The following OPA3 variants were observed in gnomAD, a reference collection of about 807,000 sequenced individuals.
OPA3 encodes outer mitochondrial membrane lipid metabolism regulator OPA3, also known as optic atrophy 3 protein.
A neutral mutation model predicts 4.0 loss-of-function variants in OPA3; 6 were observed. The ratio of observed to expected loss-of-function variants is 1.51; its 90% CI spans 0.83 to 2.99. The LOEUF (loss-of-function observed/expected upper bound fraction) is 2.99. Ranked by LOEUF, OPA3 falls within the 30% of genes most tolerant of loss-of-function variation. The pLI, the probability that OPA3 is intolerant of heterozygous loss-of-function variation, is 0.00. For missense variants in OPA3, 235 were observed against 256.2 expected, an observed-to-expected ratio of 0.92 and a Z score of 0.56; for synonymous variants, 105 against 117.1, an observed-to-expected ratio of 0.90 and a Z score of 0.67.
chr19:45,560,334 C>T (rs1969485042), intron 1 of OPA3, among the ~76,000 whole-genome samples: 2 of 152,188 alleles, frequency 1.3e-5, no homozygotes, highest in African/African-American at 4.8e-5. Flanking sequence ...GTCTCTCCAA[C>T]TGGACTGTGA....
At chr19:45,569,646 G>A (rs1969632619) in intron 1 of OPA3, among the ~76,000 whole-genome samples, 1 of 152,154 alleles carries the variant, frequency 6.6e-6, no homozygotes, top group South Asian at 2.1e-4. Flanking sequence ...TAAGCTGGCA[G>A]TGAGGGGAGT....
At chr19:45,583,899 TC>T (rs1969892444) in intron 1 of OPA3, among the ~76,000 whole-genome samples, 1 of 152,144 alleles carries the variant, frequency 6.6e-6, no homozygotes, top group Non-Finnish European at 1.5e-5. Context: ...GCTCCGGGGC[TC>T]CCACTTTCCC....
At chr19:45,570,469 G>A (rs1218643236) in intron 1 of OPA3, among the ~76,000 whole-genome samples, 2 of 152,056 alleles carry the variant, frequency 1.3e-5, no homozygotes, top group African/African-American at 2.4e-5. Context: ...GATCACCTGA[G>A]GTCAGGAGTT....
Position 45,548,661 on chromosome 19 carries a change from A to AT in OPA3, c.*4852dup, listed in dbSNP as rs144752998. 9.3e-3 allele frequency: 7,945 copies of AT among 858,784 alleles called. No homozygotes were observed. Among genetic ancestry groups the AT allele is most frequent in the Middle Eastern group, 0.013 (22 of 1,686 alleles). 53.2% of individuals were successfully genotyped at this position (858,784 alleles called of 1,614,324 possible). A position where few individuals can be genotyped will look rare whatever the true frequency, so the allele number is the denominator to read the frequency against. On this transcript the variant is annotated 3_prime_UTR_variant, in exon 2 of 2. Coordinates refer to ENST00000263275, the MANE Select transcript of OPA3 (RefSeq NM_025136.4). ...GTGAGTTTTGTGTTTTATTTTTTTT[A>AT]TTTTTTTTTTTTTTGCGGGAGACGC...
In OPA3 at chr19:45,584,570, T is replaced by C. The variant is rs116426072; in HGVS notation, c.142+53A>G. The C allele has an allele frequency of 1.7e-3, 2,733 of 1,613,232 alleles. 45 individuals are homozygous for C. The African/African-American group carries it at 0.031, about 19-fold the overall frequency. On this transcript the variant is annotated intron_variant, in intron 1 of 1. Transcript: ENST00000263275. Reference sequence around the variant, plus strand: ...GAAGTCCATCCCCTAAGCAACCACCTGACAGGGGTTGGAGAAAGGAAAAAG... The same window carrying C: ...GAAGTCCATCCCCTAAGCAACCACCCGACAGGGGTTGGAGAAAGGAAAAAG...
rs1028506732 is a variant in OPA3 at position 45,548,632 on chromosome 19, C to T, written c.*4882G>A. 4.1e-6 allele frequency: 4 copies of T among 983,142 alleles called. No individual in the cohort carries two copies. Among genetic ancestry groups the T allele is most frequent in the Middle Eastern group, 5.2e-4 (1 of 1,912 alleles). 60.9% of individuals were successfully genotyped at this position (983,142 alleles called of 1,614,324 possible). A position where few individuals can be genotyped will look rare whatever the true frequency, so the allele number is the denominator to read the frequency against. ...ATAGGGTGGGGCAGAGAGTGGGTAA[C>T]TCAGTGAGTTTTGTGTTTTATTTTT... On this transcript the variant is annotated 3_prime_UTR_variant, in exon 2 of 2. Transcript: ENST00000263275.
intron 1 of OPA3, among the ~76,000 whole-genome samples, chr19:45,581,900 G>C (rs920145298): frequency 6.6e-6 from 1 of 152,162 alleles, no homozygotes; most frequent in African/African-American, 2.4e-5. Context: ...CTAGGTTCAA[G>C]CAATTCTCCT....
intron 1 of OPA3, among the ~76,000 whole-genome samples, chr19:45,572,816 G>GAT (rs1342209065): frequency 1.6e-5 from 2 of 123,962 alleles, no homozygotes; most frequent in African/African-American, 5.6e-5. Context: ...TATATATATA[G>GAT]ATATATATCT....
downstream of OPA3, chr19:45,546,269 G>A (rs929437877): frequency 2.6e-5 from 9 of 341,948 alleles, no homozygotes; most frequent in South Asian, 1.2e-4. Context: ...ATATTAAACC[G>A]GGCTGCAAAT....
At chr19:45,528,601 C>A in exon 2 of OPA3, 1 of 173,044 alleles carries the variant, frequency 5.8e-6, no homozygotes, top group Non-Finnish European at 1.2e-5. Context: ...GTGTTCGGTG[C>A]AAAGGATGAG....
downstream of OPA3, among the ~76,000 whole-genome samples, chr19:45,544,765 G>A (rs768946983): frequency 1.3e-5 from 2 of 151,076 alleles, no homozygotes; most frequent in Non-Finnish European, 2.9e-5. Context: ...TTGCACTCCA[G>A]CCTGGGCAAC....
chr19:45,571,444 GCTGA>G (rs1324131643), intron 1 of OPA3, among the ~76,000 whole-genome samples: 1 of 152,142 alleles, frequency 6.6e-6, no homozygotes, highest in Non-Finnish European at 1.5e-5. Context: ...ACCGTGCCTG[GCTGA>G]CTGCTAAATA....
intron 1 of OPA3, among the ~76,000 whole-genome samples, chr19:45,535,762 C>CTTTTTTTTTTTTTTTT (rs370775683): frequency 2.4e-5 from 3 of 122,946 alleles, no homozygotes; most frequent in Non-Finnish European, 5.0e-5. Flanking sequence ...TTTTTCTTTT[C>CTTTTTTTTTTTTTTTT]TTTTTTTTTT....
At chr19:45,541,698 GGGACTA>G (rs1969187533), downstream of OPA3, among the ~76,000 whole-genome samples, 1 of 152,050 alleles carries the variant, frequency 6.6e-6, no homozygotes, top group Admixed American at 6.6e-5. Flanking sequence ...CTGAGTAGCT[GGGACTA>G]TAGGCACACA....
chr19:45,557,321 G>A (rs1278923958), intron 1 of OPA3, among the ~76,000 whole-genome samples: 1 of 152,120 alleles, frequency 6.6e-6, no homozygotes, highest in Non-Finnish European at 1.5e-5. Flanking sequence ...AGCAGGGGCC[G>A]ACGGCATTCT....
chr19:45,542,665 G>GT (rs59474391), downstream of OPA3, among the ~76,000 whole-genome samples: 958 of 103,226 alleles, frequency 9.3e-3, 9 homozygotes, highest in Middle Eastern at 0.019. Flanking sequence ...CTGTTTTTTT[G>GT]TTTTTTTTTT....
chr19:45,529,080 TG>T lies in OPA3; in HGVS notation c.518del (p.Pro173GlnfsTer43). ...CCTATTTCTCGGACGCCGGCGCAAC[TG>T]GGGGTGCAGGCGGCGGGTCTCGGAG... On this transcript the variant is annotated frameshift_variant, in exon 2 of 2. Transcript: ENST00000323060. LOFTEE classifies it low-confidence loss of function (END_TRUNC). 3 of 1,600,352 alleles carry T rather than the reference TG, an allele frequency of 1.9e-6. No individual in the cohort carries two copies. Among genetic ancestry groups the T allele is most frequent in the Non-Finnish European group, 1.7e-6 (2 of 1,172,324 alleles).
At chr19:45,581,432 C>T (rs1419301001) in intron 1 of OPA3, among the ~76,000 whole-genome samples, 1 of 152,218 alleles carries the variant, frequency 6.6e-6, no homozygotes, top group Non-Finnish European at 1.5e-5. Context: ...TCAGATGTCT[C>T]CTCTGCCAGG....
intron 1 of OPA3, among the ~76,000 whole-genome samples, chr19:45,565,781 G>A (rs372898432): frequency 4.6e-5 from 7 of 151,688 alleles, no homozygotes; most frequent in African/African-American, 1.7e-4. Context: ...CACCGCGCCC[G>A]GCCACAAAAA....
Sources: allele counts gnomAD v4.1 joint callset (sites outside exome capture counted in the v4.1 genomes callset), GRCh38; gene constraint gnomAD v4.1.1; transcripts MANE v1.5; gene names NCBI Gene and HGNC (gene_info 2026-07-23, HGNC 2026-07-21).